COL9A1: variants seen among roughly 807,000 people sequenced by gnomAD.
The protein encoded by COL9A1 is collagen type IX alpha 1 chain.
COL9A1 carries 104 observed loss-of-function variants against 142.6 expected under a neutral mutation model. The observed-to-expected ratio is 0.73, with a 90% CI of 0.62 to 0.86. The LOEUF (loss-of-function observed/expected upper bound fraction) is 0.86, where lower values mean the gene tolerates loss of function less well. Among genes scored for constraint, COL9A1 ranks in the 40% least tolerant of loss-of-function variants. COL9A1 has a pLI of 0.00. For synonymous variants in COL9A1, 466 were observed against 396.0 expected, an observed-to-expected ratio of 1.18 and a Z score of -2.10; for missense variants, 1,210 against 1,176.6, an observed-to-expected ratio of 1.03 and a Z score of -0.42.
intron 19 of COL9A1, among the ~76,000 whole-genome samples, chr6:70,262,035 A>G (rs1416800283): frequency 1.3e-5 from 2 of 152,194 alleles, no homozygotes; most frequent in Non-Finnish European, 2.9e-5. Flanking sequence ...AGTACCCAAC[A>G]TAGATCCTTA....
chr6:70,245,542 G>GTA (rs1475183866), intron 28 of COL9A1: 1 of 152,182 alleles, frequency 6.6e-6, no homozygotes, highest in Admixed American at 6.5e-5. Flanking sequence ...AGAGAGGGTG[G>GTA]TAGGAAAAGG....
Position 70,234,810 on chromosome 6 carries a change from C to G in COL9A1, c.2243G>C (p.Gly748Ala). ...ACCACTCACCGGAGGGCCCTGGACA[C>G]CAGGCAGGCCGGTGGCACCCTGTTC... is the stretch of plus-strand genomic sequence containing the variant. ...QGEQGATGLP[G>A]VQGPPGRAPT... Residue 748 changes from glycine to alanine, a missense_variant, in exon 34 of 38, where the codon GGT (glycine) becomes GCT (alanine). Gly to Ala is a moderately conservative substitution (Grantham distance 60). Coordinates refer to ENST00000357250, the MANE Select transcript of COL9A1 (RefSeq NM_001851.6). The G allele has an allele frequency of 1.2e-6, 2 of 1,614,132 alleles. No homozygotes were observed. The highest frequency in any genetic ancestry group is 1.7e-6 in the Non-Finnish European group (2 of 1,180,016).
rs926310408 is a variant in COL9A1, at chr6:70,294,066, G to A, written c.696+101C>T. ...TTCCTCTGATTCCAAATTCCATCTG[G>A]GACATGCTGCACTCAGCTGATTATC... On this transcript the variant is annotated intron_variant, in intron 5 of 37. Coordinates refer to ENST00000357250, the MANE Select transcript of COL9A1 (RefSeq NM_001851.6). 3.5e-5 allele frequency: 51 copies of A among 1,459,074 alleles called. No homozygotes were observed. The African/African-American group carries it at 6.5e-4, about 19-fold the overall frequency. The allele number at this position is 1,459,074 out of a possible 1,614,324, so 90.4% of individuals were successfully genotyped here. A position where few individuals can be genotyped will look rare whatever the true frequency, so the allele number is the denominator to read the frequency against.
At chr6:70,254,717 A>T in intron 24 of COL9A1, 188 bp from the exon 25 acceptor site, 1 of 679,286 alleles carries the variant, frequency 1.5e-6, no homozygotes, top group Non-Finnish European at 2.5e-6. Flanking sequence ...TTCAACCAAA[A>T]TGCACAGTCT....
chr6:70,244,305 T>C (rs1215881440), intron 28 of COL9A1, among the ~76,000 whole-genome samples: 1 of 152,194 alleles, frequency 6.6e-6, no homozygotes, highest in Non-Finnish European at 1.5e-5. Flanking sequence ...CCAGAGGCAG[T>C]GCCCCATGAG....
intron 5 of COL9A1, among the ~76,000 whole-genome samples, chr6:70,286,034 G>A (rs902512744): frequency 7.9e-5 from 12 of 151,972 alleles, no homozygotes; most frequent in African/African-American, 2.4e-4. Context: ...GACAACAGGC[G>A]CCCACCACCA....
At chr6:70,244,357 C>A (rs2127568251) in intron 28 of COL9A1, among the ~76,000 whole-genome samples, 1 of 152,244 alleles carries the variant, frequency 6.6e-6, no homozygotes, top group African/African-American at 2.4e-5. Flanking sequence ...AAAACCAGCC[C>A]CTGTGATAGA....
At position 70,252,244 on chromosome 6, in the gene COL9A1, G is replaced by A. The variant is rs2127574552; in HGVS notation, c.1818+18C>T. 4 of 1,614,136 alleles carry A rather than the reference G, an allele frequency of 2.5e-6. No individual in the cohort carries two copies. The South Asian group carries it at 4.4e-5, about 18-fold the overall frequency. On this transcript the variant is annotated intron_variant, in intron 27 of 37. Transcript: ENST00000357250. The stretch of plus-strand genomic sequence containing the variant: ...TACAACAGGTTAGAACTTCAGGAGA[G>A]GTAAAATGGTGTCTTACCGGTTTGC...
intron 10 of COL9A1, among the ~76,000 whole-genome samples, chr6:70,277,753 G>GTTCC (rs1215709917): frequency 2.0e-5 from 3 of 152,158 alleles, no homozygotes; most frequent in Non-Finnish European, 4.4e-5. Context: ...ACTGAACAGG[G>GTTCC]TTCCTTTCTG....
intron 36 of COL9A1, among the ~76,000 whole-genome samples, chr6:70,230,241 G>A (rs1392246666): frequency 6.6e-6 from 1 of 152,140 alleles, no homozygotes; most frequent in Non-Finnish European, 1.5e-5. Context: ...TGTATGTGGT[G>A]GGACAAGAAG....
intron 5 of COL9A1, among the ~76,000 whole-genome samples, chr6:70,286,803 G>A (rs1773469563): frequency 6.6e-6 from 1 of 152,172 alleles, no homozygotes; most frequent in Non-Finnish European, 1.5e-5. Context: ...GATGTAGGCA[G>A]CACTCATATT....
chr6:70,299,488 A>G (rs765500349), intron 4 of COL9A1, among the ~76,000 whole-genome samples: 3 of 152,224 alleles, frequency 2.0e-5, no homozygotes, highest in Non-Finnish European at 2.9e-5. Flanking sequence ...TTTTAAATAA[A>G]GAGCAAAAGG....
intron 17 of COL9A1, among the ~76,000 whole-genome samples, chr6:70,267,389 C>T (rs1318251305): frequency 1.4e-5 from 2 of 141,652 alleles, no homozygotes; most frequent in African/African-American, 5.3e-5. Flanking sequence ...ATGGCGCGAC[C>T]TCTGCTCACC....
chr6:70,290,265 CA>C (rs774626088), intron 5 of COL9A1, among the ~76,000 whole-genome samples: 8 of 152,048 alleles, frequency 5.3e-5, no homozygotes, highest in Non-Finnish European at 1.0e-4. Context: ...TGACAACAAA[CA>C]ATAAAGAATC....
At chr6:70,223,139 T>C (rs1305726965) in intron 37 of COL9A1, among the ~76,000 whole-genome samples, 1 of 152,102 alleles carries the variant, frequency 6.6e-6, no homozygotes, top group Non-Finnish European at 1.5e-5. Context: ...AGAAGAGTAA[T>C]ATATTACTGC....
At position 70,232,819 on chromosome 6, in the gene COL9A1, G is replaced by C. The variant is rs777634301; in HGVS notation, c.2315-48C>G. 5.2e-6 allele frequency: 8 copies of C among 1,550,960 alleles called. No individual in the cohort carries two copies. In the South Asian group the frequency reaches 9.3e-5, roughly 18 times the overall value. On this transcript the variant is annotated intron_variant, in intron 35 of 37. Transcript: ENST00000357250. Reference sequence around the variant, plus strand: ...ACCCAGAAGTGTCAGAAACATAAAAGTTATTCTAATGAAAAGAGAGGTATT... The same window carrying C: ...ACCCAGAAGTGTCAGAAACATAAAACTTATTCTAATGAAAAGAGAGGTATT...
chr6:70,272,500 A>G (rs1772473270), intron 12 of COL9A1, among the ~76,000 whole-genome samples: 1 of 152,120 alleles, frequency 6.6e-6, no homozygotes, highest in Admixed American at 6.5e-5. Flanking sequence ...TCTATAATAA[A>G]TTATGTTTAG....
At chr6:70,234,686 G>T in intron 34 of COL9A1, 93 bp from the exon 35 acceptor site, 1 of 1,603,896 alleles carries the variant, frequency 6.2e-7, no homozygotes, top group Non-Finnish European at 8.5e-7. Flanking sequence ...AAGGAGCCAG[G>T]TGGCTGGATT....
intron 20 of COL9A1, among the ~76,000 whole-genome samples, chr6:70,260,328 G>C (rs1030916719): frequency 2.6e-5 from 4 of 151,996 alleles, no homozygotes; most frequent in African/African-American, 9.7e-5. Context: ...GATTACCTGA[G>C]GTCCGGAGTT....
Sources: allele counts gnomAD v4.1 joint callset (sites outside exome capture counted in the v4.1 genomes callset), GRCh38; gene constraint gnomAD v4.1.1; transcripts MANE v1.5; gene names NCBI Gene and HGNC (gene_info 2026-07-23, HGNC 2026-07-21).